Variants in GPC5 observed in about 807,000 individuals in gnomAD.
The protein encoded by GPC5 is glypican 5.
GPC5 carries 47 observed loss-of-function variants against 53.9 expected under a neutral mutation model. The ratio of observed to expected loss-of-function variants is 0.87; its 90% CI spans 0.69 to 1.11. The LOEUF is 1.11. GPC5 is among the 50% of genes most tolerant of loss of function. The pLI, the probability that GPC5 is intolerant of heterozygous loss-of-function variation, is 0.00. For missense variants in GPC5, 748 were observed against 713.1 expected (o/e 1.05, Z -0.56); for synonymous variants, 286 against 263.3 (o/e 1.09, Z -0.84).
chr13:92,547,993 C>T (rs1237463725), intron 7 of GPC5, among the ~76,000 whole-genome samples: 1 of 106,086 alleles, frequency 9.4e-6, no homozygotes, highest in Non-Finnish European at 2.1e-5. Flanking sequence ...CCACGCCTGG[C>T]TAATTTTTTT....
At chr13:92,540,456 G>T (rs1881896858) in intron 7 of GPC5, among the ~76,000 whole-genome samples, 1 of 151,950 alleles carries the variant, frequency 6.6e-6, no homozygotes, top group East Asian at 1.9e-4. Flanking sequence ...GGTGATAGGG[G>T]ATACAAGTTA....
intron 6 of GPC5, among the ~76,000 whole-genome samples, chr13:92,020,347 C>T (rs1594727512): frequency 6.6e-6 from 1 of 152,104 alleles, no homozygotes; most frequent in African/African-American, 2.4e-5. Context: ...TCTCTAGGAA[C>T]CATTATTCTG....
intron 6 of GPC5, among the ~76,000 whole-genome samples, chr13:91,997,695 T>C (rs2040516387): frequency 1.3e-5 from 2 of 152,238 alleles, no homozygotes; most frequent in African/African-American, 4.8e-5. Flanking sequence ...ATTTTTTGTC[T>C]TTTTAGTAGA....
At chr13:91,548,128 A>G (rs1164784207) in intron 2 of GPC5, among the ~76,000 whole-genome samples, 1 of 152,136 alleles carries the variant, frequency 6.6e-6, no homozygotes, top group African/African-American at 2.4e-5. Flanking sequence ...GCAATAATAC[A>G]ATAAAAGGAA....
chr13:92,679,763 GCCATTGGA>G (rs1887058288), intron 7 of GPC5, among the ~76,000 whole-genome samples: 1 of 151,852 alleles, frequency 6.6e-6, no homozygotes, highest in East Asian at 1.9e-4. Flanking sequence ...GGATCTCTTG[GCCATTGGA>G]CCATATATTT....
chr13:91,837,636 G>T (rs543239795), intron 5 of GPC5, among the ~76,000 whole-genome samples: 37 of 152,154 alleles, frequency 2.4e-4, no homozygotes, highest in Non-Finnish European at 4.6e-4. Context: ...GGTAAATTTT[G>T]TGTAACTTCT....
At chr13:91,587,700 T>C (rs72641450) in intron 2 of GPC5, among the ~76,000 whole-genome samples, 9,229 of 152,256 alleles carry the variant, frequency 0.061, 355 homozygotes, top group Non-Finnish European at 0.086. Context: ...TTTTACTCTT[T>C]AGCTGTTTTA....
chr13:92,106,173 AATG>A (rs2041508108), intron 6 of GPC5, among the ~76,000 whole-genome samples: 1 of 151,992 alleles, frequency 6.6e-6, no homozygotes, highest in African/African-American at 2.4e-5. Context: ...TTTAGAAGAT[AATG>A]ATAATTATTT....
chr13:91,451,360 A>G (rs1881162258), intron 2 of GPC5, among the ~76,000 whole-genome samples: 3 of 152,098 alleles, frequency 2.0e-5, no homozygotes, highest in Non-Finnish European at 4.4e-5. Context: ...ACGGAAACAT[A>G]TTTTTTAGAG....
intron 7 of GPC5, among the ~76,000 whole-genome samples, chr13:92,162,683 G>T (rs575645908): frequency 6.6e-6 from 1 of 152,324 alleles, no homozygotes; most frequent in East Asian, 1.9e-4. Flanking sequence ...GTAGGCTGGG[G>T]ACTGGCATGA....
chr13:92,739,018 A>C (rs1428552301), intron 7 of GPC5, among the ~76,000 whole-genome samples: 1 of 152,126 alleles, frequency 6.6e-6, no homozygotes, highest in Non-Finnish European at 1.5e-5. Context: ...TATTATATGA[A>C]TTAAGATTTT....
rs147473042 is a variant in GPC5, at chr13:92,779,738, A to G, written c.1562-86544A>G. ...TCACTGTAGGTCTAAGACCTTATAC[A>G]AGGTATACACATTCAAAGGTTAATT... On this transcript the variant is annotated intron_variant, in intron 7 of 7. Transcript: ENST00000377067. Among the ~76,000 whole-genome samples, 235 of 152,280 alleles carry G rather than the reference A, an allele frequency of 1.5e-3. 4 individuals are homozygous for G. The East Asian group carries it at 0.044, about 28-fold the overall frequency.
chr13:92,208,664 A>C (rs750384576), intron 7 of GPC5, among the ~76,000 whole-genome samples: 1 of 152,252 alleles, frequency 6.6e-6, no homozygotes. Flanking sequence ...AGAAATAAAG[A>C]GGAATTTTTC....
intron 2 of GPC5, among the ~76,000 whole-genome samples, chr13:91,576,624 A>G (rs1194839401): frequency 1.3e-5 from 2 of 152,190 alleles, no homozygotes; most frequent in Non-Finnish European, 1.5e-5. Context: ...GATTAGCAGC[A>G]TCAGGACCAC....
chr13:92,646,247 A>G (rs1885762299), intron 7 of GPC5, among the ~76,000 whole-genome samples: 1 of 152,116 alleles, frequency 6.6e-6, no homozygotes, highest in African/African-American at 2.4e-5. Context: ...TCATATGATC[A>G]CCAAGTTACT....
intron 7 of GPC5, among the ~76,000 whole-genome samples, chr13:92,339,569 A>G (rs1348378591): frequency 2.0e-5 from 3 of 152,060 alleles, no homozygotes; most frequent in African/African-American, 7.2e-5. Context: ...TAACTACCCA[A>G]TTAGCTAGCA....
At chr13:91,640,004 G>A (rs2139480460) in intron 2 of GPC5, among the ~76,000 whole-genome samples, 1 of 151,714 alleles carries the variant, frequency 6.6e-6, no homozygotes, top group South Asian at 2.1e-4. Context: ...CTATATTTTG[G>A]TTCTCATACT....
chr13:92,274,986 ATATGATTTATATAGAG>A (rs1193885056), intron 7 of GPC5, among the ~76,000 whole-genome samples: 2 of 152,152 alleles, frequency 1.3e-5, no homozygotes, highest in African/African-American at 4.8e-5. Flanking sequence ...ATTAATGAAT[ATATGATTTATATAGAG>A]ACTATCTTAC....
Position 92,543,978 on chromosome 13 carries a change from GT to G in GPC5, c.1562-322294del, listed in dbSNP as rs201860707. Among the ~76,000 whole-genome samples, 432 of 147,446 alleles carry G rather than the reference GT, an allele frequency of 2.9e-3. 3 individuals are homozygous for G. The highest frequency in any genetic ancestry group is 8.9e-3 in the African/African-American group (358 of 40,348). On this transcript the variant is annotated intron_variant, in intron 7 of 7. Coordinates refer to ENST00000377067, the MANE Select transcript of GPC5 (RefSeq NM_004466.6). Reference sequence around the variant, plus strand: ...GCTATATTGCTTTGTTTTGCTTGTTGTTTTTTTTTTAAATACTACATTGCCA... The same window carrying G: ...GCTATATTGCTTTGTTTTGCTTGTTGTTTTTTTTTAAATACTACATTGCCA...
Sources: gnomAD v4.1 joint callset for allele counts (sites outside exome capture counted in the v4.1 genomes callset) on GRCh38, gnomAD v4.1.1 for gene constraint, MANE v1.5 for transcripts, NCBI Gene and HGNC (gene_info 2026-07-23, HGNC 2026-07-21) for gene names.